The following PRDM10 variants were observed in gnomAD, a reference collection of about 807,000 sequenced individuals.
The protein encoded by PRDM10 is PR/SET domain 10.
A neutral mutation model predicts 133.1 loss-of-function variants in PRDM10; 65 were observed. The ratio of observed to expected loss-of-function variants is 0.49; its 90% confidence interval spans 0.40 to 0.60. The LOEUF (loss-of-function observed/expected upper bound fraction) is 0.60. Ranked by LOEUF, PRDM10 falls within the 20% of genes least tolerant of loss-of-function variation. The probability of loss-of-function intolerance (pLI) is 0.00; values close to 1 mark genes in which losing one functional copy is unlikely to be tolerated. For missense variants in PRDM10, 1,137 were observed against 1,507.1 expected, an observed-to-expected ratio of 0.75 and a Z score of 4.07; for synonymous variants, 582 against 580.4, an observed-to-expected ratio of 1.00 and a Z score of -0.04.
At chr11:129,955,160 C>G (rs1591658448) in intron 4 of PRDM10, among the ~76,000 whole-genome samples, 1 of 149,320 alleles carries the variant, frequency 6.7e-6, no homozygotes. Flanking sequence ...AATTTTTTTT[C>G]AGTATTTAAA....
In PRDM10 at chr11:129,942,500, G is replaced by T; in HGVS notation, c.892C>A (p.Leu298Met). The part of the protein sequence containing the change: ...RPAQNHLEQN[L>M]VAYQYGHHVY... ...TGGTGGCCATACTGGTAAGCCACCAGGTTCTGCTCCAGGTGATTCTGGGCT... is the reference window on the plus strand; with the variant it reads ...TGGTGGCCATACTGGTAAGCCACCATGTTCTGCTCCAGGTGATTCTGGGCT... The change falls in exon 7 of 21, where the codon CTG (leucine) becomes ATG (methionine). Residue 298 changes from leucine (L) to methionine (M), a missense_variant. By Grantham distance (15) the Leu-to-Met change is conservative. This residue lies in a region of PRDM10 where 635 missense variants were observed against 835.2 expected (regional missense o/e 0.76). Coordinates refer to ENST00000360871, the MANE Select transcript of PRDM10 (RefSeq NM_199437.2). 1 of 1,614,076 alleles carries T rather than the reference G, an allele frequency of 6.2e-7. No homozygotes were observed.
At chr11:129,978,103 T>A (rs1034110488) in intron 1 of PRDM10, among the ~76,000 whole-genome samples, 63 of 152,210 alleles carry the variant, frequency 4.1e-4, no homozygotes, top group African/African-American at 1.5e-3. Flanking sequence ...GGTTAAGCCA[T>A]TATGGATGTG....
Position 129,918,807 on chromosome 11 carries a change from A to T in PRDM10, c.2035-89T>A, listed in dbSNP as rs1950436571. ...ATCATTTTAAAAATCAATACAAATTAGCAGTCACCACAAGCCTCCAAGAGA... is the reference window on the plus strand; with the variant it reads ...ATCATTTTAAAAATCAATACAAATTTGCAGTCACCACAAGCCTCCAAGAGA... On this transcript the variant is annotated intron_variant, in intron 13 of 20. Coordinates refer to ENST00000360871, the MANE Select transcript of PRDM10 (RefSeq NM_199437.2). This position sits in a 1 kb window ranked among gnomAD's most constrained non-coding sequence, Gnocchi z 5.3. 2.3e-6 allele frequency: 3 copies of T among 1,294,772 alleles called. No homozygotes were observed. The highest frequency in any genetic ancestry group is 2.1e-5 in the Admixed American group (1 of 46,528). 80.2% of individuals were successfully genotyped at this position (1,294,772 alleles called of 1,614,324 possible). A position where few individuals can be genotyped will look rare whatever the true frequency, so the allele number is the denominator to read the frequency against.
Position 129,955,534 on chromosome 11 carries a change from T to G in PRDM10, c.272A>C (p.Gln91Pro). 6.2e-7 allele frequency: 1 copy of G among 1,614,072 alleles called. No homozygotes were observed. The highest frequency in any genetic ancestry group is 8.5e-7 in the Non-Finnish European group (1 of 1,179,976). The stretch of plus-strand genomic sequence containing the variant: ...TACCTGCTGAGCTGTAGCATCCTGT[T>G]GGACATAAGCTACCTGGCCGGGGTC... The part of the protein sequence containing the change: ...FTDPGQVAYV[Q>P]QDATAQQASL... Residue 91 changes from glutamine (Q) to proline (P), a missense_variant, in exon 4 of 21, where the codon CAA becomes CCA. Gln to Pro is a moderately conservative substitution (Grantham distance 76). Coordinates refer to ENST00000360871, the MANE Select transcript of PRDM10 (RefSeq NM_199437.2).
At chr11:130,002,239 G>A (rs996849271) in intron 1 of PRDM10, among the ~76,000 whole-genome samples, 33 of 149,618 alleles carry the variant, frequency 2.2e-4, no homozygotes, top group South Asian at 2.1e-3. Context: ...GGAGCGCGCA[G>A]GCCGCCCAAC....
intron 2 of PRDM10, among the ~76,000 whole-genome samples, chr11:129,958,795 T>A (rs1341789708): frequency 6.6e-6 from 1 of 152,170 alleles, no homozygotes; most frequent in South Asian, 2.1e-4. Context: ...CACAGAAAAT[T>A]CTAATAAAGT....
At chr11:130,002,461 C>T (rs1040519339) in intron 1 of PRDM10, among the ~76,000 whole-genome samples, 1 of 152,122 alleles carries the variant, frequency 6.6e-6, no homozygotes, top group East Asian at 1.9e-4. Context: ...GTTTGACCCC[C>T]CACCCCGAGT....
chr11:130,002,692 T>G (rs1371700602), intron 1 of PRDM10, 30 bp downstream of exon 1: 4 of 155,816 alleles, frequency 2.6e-5, no homozygotes, highest in Non-Finnish European at 4.3e-5. Context: ...CCCTGGCTTA[T>G]CTGGTTCCCT....
Position 129,946,993 on chromosome 11 carries a change from G to A in PRDM10, c.520+152C>T, listed in dbSNP as rs75849305. The A allele has an allele frequency of 2.8e-4, 289 of 1,020,938 alleles. No individual in the cohort carries two copies. The African/African-American group carries it at 3.8e-3, about 14-fold the overall frequency. The allele number at this position is 1,020,938 out of a possible 1,614,324, so 63.2% of individuals were successfully genotyped here. On this transcript the variant is annotated intron_variant, in intron 5 of 20. Transcript: ENST00000360871. ...TGTCCCTCAAAGGGCTGCAGTGAAG[G>A]CCAGGTGGGATGAAGCAAGCAGAGA... is the stretch of plus-strand genomic sequence containing the variant.
At chr11:129,934,958 C>G in intron 9 of PRDM10, 143 bp downstream of exon 9, 1 of 610,678 alleles carries the variant, frequency 1.6e-6, no homozygotes, top group Non-Finnish European at 2.9e-6. Context: ...AAGGAGATGA[C>G]AGGTAACACC....
rs1019812053 is a variant in PRDM10, at chr11:129,906,266, T to A, written c.3164-525A>T. 5.3e-5 allele frequency among the ~76,000 whole-genome samples: 8 copies of A among 152,212 alleles called. No individual in the cohort carries two copies. The East Asian group carries it at 1.3e-3, about 26-fold the overall frequency. The stretch of plus-strand genomic sequence containing the variant: ...TTGGGAAAATGGCTGATTCCAGACC[T>A]GGGCAGAAAGCTTGTGAGACAGTTG... On this transcript the variant is annotated intron_variant, in intron 19 of 20. Coordinates refer to ENST00000360871, the MANE Select transcript of PRDM10 (RefSeq NM_199437.2).
intron 4 of PRDM10, among the ~76,000 whole-genome samples, chr11:129,950,191 G>T (rs1033810920): frequency 3.3e-5 from 5 of 150,348 alleles, no homozygotes; most frequent in African/African-American, 1.2e-4. Flanking sequence ...GAGCTGTGAT[G>T]GTGTCACTCC....
At chr11:129,976,134 G>GGACTATTCCAGCTGCTC (rs1937743408) in intron 1 of PRDM10, among the ~76,000 whole-genome samples, 1 of 152,146 alleles carries the variant, frequency 6.6e-6, no homozygotes, top group African/African-American at 2.4e-5. Context: ...GCCATCCTGT[G>GGACTATTCCAGCTGCTC]GACTATTCCA....
chr11:129,935,241 A>G (rs1190449183), intron 8 of PRDM10, 23 bp from the exon 9 acceptor site: 2 of 1,571,870 alleles, frequency 1.3e-6, no homozygotes, highest in Non-Finnish European at 1.8e-6. Context: ...GAGAGAAATC[A>G]TAAAGGCTGA....
At chr11:129,991,841 G>C (rs968100049) in intron 1 of PRDM10, among the ~76,000 whole-genome samples, 39 of 146,946 alleles carry the variant, frequency 2.7e-4, no homozygotes, top group Non-Finnish European at 4.5e-4. Flanking sequence ...AAAAGTAACC[G>C]GCCTGGTGGC....
rs34931476 is a variant in PRDM10 at position 129,918,287 on chromosome 11, TA to T, written c.2214+251del. ...AACAAAAGTAGTAATGAAAAGTGATTAAAAAAAAAAAAAGAAAAAGAAAAAG... is the reference window on the plus strand; with the variant it reads ...AACAAAAGTAGTAATGAAAAGTGATTAAAAAAAAAAAAGAAAAAGAAAAAG... On this transcript the variant is annotated intron_variant, in intron 14 of 20. Coordinates refer to ENST00000360871, the MANE Select transcript of PRDM10 (RefSeq NM_199437.2). This position sits in a 1 kb window ranked among gnomAD's most constrained non-coding sequence, Gnocchi z 5.3. Among the ~76,000 whole-genome samples, 269 of 131,066 alleles carry T rather than the reference TA, an allele frequency of 2.1e-3. No individual in the cohort carries two copies. The highest frequency in any genetic ancestry group is 2.7e-3 in the African/African-American group (98 of 35,718). 86.0% of individuals were successfully genotyped at this position (131,066 alleles called of 152,430 possible). A position where few individuals can be genotyped will look rare whatever the true frequency, so the allele number is the denominator to read the frequency against.
chr11:129,951,249 C>T (rs547994306), intron 4 of PRDM10, among the ~76,000 whole-genome samples: 11 of 152,328 alleles, frequency 7.2e-5, no homozygotes, highest in Non-Finnish European at 1.5e-4. Flanking sequence ...GATGTTACAA[C>T]GCTCCTAAGT....
At chr11:129,990,522 C>CAAAAAA (rs59217112) in intron 1 of PRDM10, among the ~76,000 whole-genome samples, 2 of 67,072 alleles carry the variant, frequency 3.0e-5, no homozygotes, top group Non-Finnish European at 6.5e-5. Flanking sequence ...ACTTTGTCTC[C>CAAAAAA]AAAAAAAAAA....
chr11:130,002,233 C>T (rs902060368), intron 1 of PRDM10, among the ~76,000 whole-genome samples: 23 of 149,204 alleles, frequency 1.5e-4, no homozygotes, highest in Admixed American at 1.3e-3. Flanking sequence ...GCCGCCGGAG[C>T]GCGCAGGCCG....
Sources: gnomAD v4.1 joint callset for allele counts (sites outside exome capture counted in the v4.1 genomes callset) on GRCh38, gnomAD v4.1.1 for gene constraint, gnomAD v4.1.1 regional missense constraint, Gnocchi (gnomAD v3.1) non-coding constraint, MANE v1.5 for transcripts, NCBI Gene and HGNC (gene_info 2026-07-23, HGNC 2026-07-21) for gene names.